Variants in GPC3 observed in about 807,000 individuals in gnomAD.
GPC3 encodes the protein glypican-3.
Under a neutral mutation model 34.4 loss-of-function variants are expected in GPC3, and 3 were observed. The ratio of observed to expected loss-of-function variants is 0.09; its 90% CI spans 0.04 to 0.23. GPC3 has a LOEUF of 0.23. Ranked by LOEUF, GPC3 falls within the 10% of genes least tolerant of loss-of-function variation. The pLI, the probability that GPC3 is intolerant of heterozygous loss-of-function variation, is 1.00. For missense variants in GPC3, 351 were observed against 445.6 expected, an observed-to-expected ratio of 0.79 and a Z score of 1.91; for synonymous variants, 177 against 174.0, an observed-to-expected ratio of 1.02 and a Z score of -0.13.
At chrX:133,728,156 T>G (rs1487375190) in intron 3 of GPC3, among the ~76,000 whole-genome samples, 1 of 111,725 alleles carries the variant, frequency 9.0e-6, no homozygotes, top group Non-Finnish European at 1.9e-5. Context: ...CTGGCTTCAG[T>G]TCTCCCCACA....
intron 2 of GPC3, among the ~76,000 whole-genome samples, chrX:133,846,686 T>G (rs2075848414): frequency 8.9e-6 from 1 of 111,966 alleles, no homozygotes; most frequent in Non-Finnish European, 1.9e-5. Context: ...AAGTAGTTCC[T>G]TTTATTTTCT....
At chrX:133,917,238 C>T (rs978733537) in intron 2 of GPC3, among the ~76,000 whole-genome samples, 4 of 111,606 alleles carry the variant, frequency 3.6e-5, no homozygotes, top group Non-Finnish European at 7.5e-5. Flanking sequence ...TCAATGTGTT[C>T]CATGTGTTCA....
chrX:133,679,585 T>C (rs2070919735), intron 5 of GPC3, among the ~76,000 whole-genome samples: 1 of 111,534 alleles, frequency 9.0e-6, no homozygotes, highest in Admixed American at 9.5e-5. Context: ...GAGTTTACTC[T>C]ATGGCAGGCA....
At chrX:133,694,846 TGAA>T (rs1424867276) in intron 4 of GPC3, among the ~76,000 whole-genome samples, 3 of 110,194 alleles carry the variant, frequency 2.7e-5, no homozygotes, top group Middle Eastern at 4.3e-3. Context: ...ATTGACAATT[TGAA>T]GAAGATCAAG....
intron 7 of GPC3, among the ~76,000 whole-genome samples, chrX:133,564,073 G>A (rs961702467): frequency 4.5e-5 from 5 of 110,721 alleles, no homozygotes; most frequent in Non-Finnish European, 9.4e-5. Flanking sequence ...GTTTGGTCTG[G>A]GCCTATTTAC....
chrX:133,822,293 T>A (rs1184569256), intron 2 of GPC3, among the ~76,000 whole-genome samples: 2 of 111,903 alleles, frequency 1.8e-5, no homozygotes, highest in Non-Finnish European at 3.8e-5. Flanking sequence ...CTTGTATTCA[T>A]GTAACCTTTA....
chrX:133,666,570 G>A (rs2070769910), intron 5 of GPC3, among the ~76,000 whole-genome samples: 1 of 111,682 alleles, frequency 9.0e-6, no homozygotes, highest in African/African-American at 3.2e-5. Context: ...TATCCTTTAG[G>A]TATCTTGATA....
intron 5 of GPC3, among the ~76,000 whole-genome samples, chrX:133,688,513 T>C (rs757456364): frequency 2.7e-5 from 3 of 111,905 alleles, no homozygotes; most frequent in Non-Finnish European, 3.8e-5. Context: ...TCTTTAAAAG[T>C]TGAGTGATCG....
At chrX:133,967,946 G>A in intron 1 of GPC3, among the ~76,000 whole-genome samples, 1 of 112,432 alleles carries the variant, frequency 8.9e-6, no homozygotes, top group Non-Finnish European at 1.9e-5. Flanking sequence ...ACTTTTTAAG[G>A]GAAAACTGAA....
At chrX:133,812,647 G>A (rs1477530418) in intron 2 of GPC3, among the ~76,000 whole-genome samples, 2 of 111,989 alleles carry the variant, frequency 1.8e-5, no homozygotes, top group Admixed American at 9.5e-5. Context: ...ATTCCGGCCA[G>A]GCAAAGAACT....
At chrX:133,680,640 A>G (rs1349886263) in intron 5 of GPC3, among the ~76,000 whole-genome samples, 2 of 112,350 alleles carry the variant, frequency 1.8e-5, no homozygotes, top group Non-Finnish European at 3.8e-5. Context: ...GGAAATCATG[A>G]CTGATTTTAA....
rs1039144056 is a variant in GPC3, at chrX:133,735,299, C to A, written c.1032+18183G>T. Among the ~76,000 whole-genome samples the A allele has an allele frequency of 4.5e-5, 5 of 111,111 alleles. 1 individual carries two copies. In the Admixed American group the frequency reaches 4.8e-4, roughly 11 times the overall value. On this transcript the variant is annotated intron_variant, in intron 3 of 7. Transcript: ENST00000370818. ...AATAGAATTGAGAGTCAAAAAAAAC[C>A]CTACATACATTTATGGTCAATTGAA...
intron 2 of GPC3, among the ~76,000 whole-genome samples, chrX:133,845,241 T>C (rs747904900): frequency 3.6e-5 from 4 of 111,314 alleles, no homozygotes; most frequent in African/African-American, 9.8e-5. Context: ...CAGACAAAAG[T>C]GTAAAATAAA....
At position 133,858,701 on chromosome X, in the gene GPC3, C is replaced by T. The variant is rs762066611; in HGVS notation, c.337+94349G>A. 4.5e-5 allele frequency among the ~76,000 whole-genome samples: 5 copies of T among 111,543 alleles called. No homozygotes were observed. The Admixed American group carries it at 4.8e-4, about 11-fold the overall frequency. On this transcript the variant is annotated intron_variant, in intron 2 of 7. Transcript: ENST00000370818. Reference sequence around the variant, plus strand: ...TTAGAAGACAGAAACCAGAATGAGTCTCATTTGGTTTGGGTTGGGGGGTGG... The same window carrying T: ...TTAGAAGACAGAAACCAGAATGAGTTTCATTTGGTTTGGGTTGGGGGGTGG...
At chrX:133,933,868 GTT>G (rs145289700) in intron 2 of GPC3, among the ~76,000 whole-genome samples, 1 of 90,124 alleles carries the variant, frequency 1.1e-5, no homozygotes, top group Admixed American at 1.2e-4. Flanking sequence ...TTTTTTTTTT[GTT>G]TTTTTTTTTT....
chrX:133,563,768 C>T (rs916634470), intron 7 of GPC3, among the ~76,000 whole-genome samples: 15 of 111,633 alleles, frequency 1.3e-4, no homozygotes. Flanking sequence ...AAATTTTAAT[C>T]CTCCATAACC....
At chrX:133,634,719 TGTTGGGGTGATGGAAATGTTCCAAATTGG>T (rs970077878) in intron 6 of GPC3, among the ~76,000 whole-genome samples, 4 of 111,626 alleles carry the variant, frequency 3.6e-5, no homozygotes, top group Non-Finnish European at 7.5e-5. Flanking sequence ...TGGGGCAACT[TGTTGGGGTGATGGAAATGTTCCAAATTGG>T]GTTGGGGTGA....
chrX:133,839,332 G>A (rs1316498838), intron 2 of GPC3, among the ~76,000 whole-genome samples: 1 of 111,669 alleles, frequency 9.0e-6, no homozygotes, highest in Non-Finnish European at 1.9e-5. Flanking sequence ...TTTTATCAGG[G>A]GGGTCTGGGA....
chrX:133,942,253 CAT>C (rs1174001274), intron 2 of GPC3, among the ~76,000 whole-genome samples: 1 of 112,117 alleles, frequency 8.9e-6, no homozygotes, highest in Non-Finnish European at 1.9e-5. Flanking sequence ...TTAAAAACTG[CAT>C]AGTCTCTGAC....
Sources: allele counts gnomAD v4.1 joint callset (sites outside exome capture counted in the v4.1 genomes callset), GRCh38; gene constraint gnomAD v4.1.1; transcripts MANE v1.5; gene names NCBI Gene and HGNC (gene_info 2026-07-23, HGNC 2026-07-21).